Variants in THRB observed in about 807,000 individuals in gnomAD.
THRB encodes the protein thyroid hormone receptor beta.
Under a neutral mutation model 47.8 loss-of-function variants are expected in THRB, and 12 were observed. The ratio of observed to expected loss-of-function variants is 0.25; its 90% CI spans 0.16 to 0.41. The LOEUF is 0.41. Ranked by LOEUF, THRB falls within the 10% of genes least tolerant of loss-of-function variation. THRB has a pLI of 1.00. For missense variants in THRB, 348 were observed against 589.2 expected, an observed-to-expected ratio of 0.59 and a Z score of 4.24; for synonymous variants, 218 against 212.2, an observed-to-expected ratio of 1.03 and a Z score of -0.24.
rs896827908 is a variant in THRB, at chr3:24,122,762, C to T, written c.*122G>A. On this transcript the variant is annotated 3_prime_UTR_variant, in exon 11 of 11. Transcript: ENST00000646209. ...TCATCCATGTCTATGCCAAGGACTA[C>T]TTCCCTTTTCCCTCCCAAATAATCC... The T allele has an allele frequency of 1.4e-6, 2 of 1,421,824 alleles. No individual in the cohort carries two copies. The highest frequency in any genetic ancestry group is 2.0e-6 in the Non-Finnish European group (2 of 1,012,962). The allele number at this position is 1,421,824 out of a possible 1,614,324, so 88.1% of individuals were successfully genotyped here.
intron 3 of THRB, among the ~76,000 whole-genome samples, chr3:24,251,750 T>TA (rs1178654150): frequency 6.2e-4 from 94 of 151,846 alleles, no homozygotes; most frequent in Admixed American, 6.2e-3. Context: ...ATTTCATAGA[T>TA]AAAAAAAATT....
intron 1 of THRB, among the ~76,000 whole-genome samples, chr3:24,407,623 A>C (rs2067935317): frequency 6.6e-6 from 1 of 151,868 alleles, no homozygotes; most frequent in South Asian, 2.1e-4. Flanking sequence ...CAACCTATTC[A>C]TATGAATCTA....
chr3:24,394,863 T>C (rs112912562), intron 1 of THRB, among the ~76,000 whole-genome samples: 1 of 152,222 alleles, frequency 6.6e-6, no homozygotes, highest in African/African-American at 2.4e-5. Context: ...GCTTACTAAA[T>C]AGAGACTATG....
chr3:24,252,751 T>C (rs1315303603), intron 3 of THRB, among the ~76,000 whole-genome samples: 2 of 152,052 alleles, frequency 1.3e-5, no homozygotes, highest in Non-Finnish European at 2.9e-5. Flanking sequence ...AGAACATTTA[T>C]AGAATAATAT....
At chr3:24,216,626 A>C (rs921875629) in intron 4 of THRB, among the ~76,000 whole-genome samples, 1 of 151,982 alleles carries the variant, frequency 6.6e-6, no homozygotes, top group Non-Finnish European at 1.5e-5. Flanking sequence ...AAATATATGA[A>C]TTGCTGTGTT....
At chr3:24,182,409 A>T (rs976319601) in intron 5 of THRB, among the ~76,000 whole-genome samples, 1 of 152,042 alleles carries the variant, frequency 6.6e-6, no homozygotes, top group African/African-American at 2.4e-5. Flanking sequence ...TTAGCAATCC[A>T]CTTGTATCTG....
At chr3:24,472,715 G>A (rs78006307) in intron 1 of THRB, among the ~76,000 whole-genome samples, 3,540 of 152,210 alleles carry the variant, frequency 0.023, 75 homozygotes, top group East Asian at 0.086. Flanking sequence ...TTCCAGATTT[G>A]GCAGACAGTT....
At chr3:24,491,057 G>A (rs984640265) in intron 1 of THRB, among the ~76,000 whole-genome samples, 9 of 152,132 alleles carry the variant, frequency 5.9e-5, no homozygotes, top group African/African-American at 1.9e-4. Context: ...CACCATGGCA[G>A]GCACTCTACA....
At chr3:24,295,219 A>G (rs910063773) in intron 3 of THRB, among the ~76,000 whole-genome samples, 1 of 152,240 alleles carries the variant, frequency 6.6e-6, no homozygotes, top group African/African-American at 2.4e-5. Flanking sequence ...ATGAAAAAAC[A>G]TTTCACAACA....
intron 4 of THRB, among the ~76,000 whole-genome samples, chr3:24,221,072 C>T (rs1289744484): frequency 6.6e-6 from 1 of 151,882 alleles, no homozygotes; most frequent in Non-Finnish European, 1.5e-5. Context: ...TTTTACAACA[C>T]AGCCAGATTC....
intron 1 of THRB, among the ~76,000 whole-genome samples, chr3:24,405,647 C>A (rs2067763494): frequency 1.3e-5 from 2 of 151,626 alleles, no homozygotes; most frequent in African/African-American, 4.8e-5. Flanking sequence ...TTGATCAAGT[C>A]TTTTCTTTTG....
chr3:24,325,481 G>T (rs1458922050), intron 2 of THRB, among the ~76,000 whole-genome samples: 2 of 152,200 alleles, frequency 1.3e-5, no homozygotes, highest in East Asian at 3.9e-4. Flanking sequence ...AAGGTCAGGA[G>T]TTCGAGATCA....
At chr3:24,175,533 G>C in intron 5 of THRB, among the ~76,000 whole-genome samples, 1 of 152,154 alleles carries the variant, frequency 6.6e-6, no homozygotes, top group East Asian at 1.9e-4. Flanking sequence ...TATTCGTAAG[G>C]CTGGAGATTG....
intron 4 of THRB, among the ~76,000 whole-genome samples, chr3:24,221,181 G>A (rs555328249): frequency 6.6e-6 from 1 of 152,278 alleles, no homozygotes; most frequent in South Asian, 2.1e-4. Context: ...GGCAGGTGGT[G>A]GTGCCGTATA....
At chr3:24,123,151 T>C (rs758013677) in intron 10 of THRB, 26 bp from the exon 11 acceptor site, 5 of 1,613,750 alleles carry the variant, frequency 3.1e-6, no homozygotes, top group Non-Finnish European at 4.2e-6. Flanking sequence ...AAGATGGACA[T>C]TGATTCAGAG....
chr3:24,495,444 G>C (rs891915279), upstream of THRB: 3 of 153,256 alleles, frequency 2.0e-5, no homozygotes, highest in African/African-American at 7.2e-5. Flanking sequence ...CTACGCACTC[G>C]AGGTCCCCGG....
intron 1 of THRB, among the ~76,000 whole-genome samples, chr3:24,414,581 T>G (rs1302564620): frequency 2.0e-5 from 3 of 151,892 alleles, no homozygotes; most frequent in Middle Eastern, 3.2e-3. Context: ...ACAAAAATAT[T>G]GCCGCTTCAG....
chr3:24,364,942 A>G (rs1272912848), intron 1 of THRB, among the ~76,000 whole-genome samples: 2 of 152,158 alleles, frequency 1.3e-5, no homozygotes, highest in African/African-American at 4.8e-5. Context: ...TCTATGTGTA[A>G]ATACCTAGCT....
At chr3:24,493,804 G>C (rs150317140) in intron 1 of THRB, among the ~76,000 whole-genome samples, 7 of 152,150 alleles carry the variant, frequency 4.6e-5, no homozygotes, top group African/African-American at 1.7e-4. Flanking sequence ...AAATAAGAAG[G>C]CTTAAGAATT....
Sources: allele counts gnomAD v4.1 joint callset (sites outside exome capture counted in the v4.1 genomes callset), GRCh38; gene constraint gnomAD v4.1.1; transcripts MANE v1.5; gene names NCBI Gene and HGNC (gene_info 2026-07-23, HGNC 2026-07-21).